The following ZNF318 variants were observed in gnomAD, a reference collection of about 807,000 sequenced individuals.
ZNF318 encodes endocrine regulator.
A neutral mutation model predicts 124.2 loss-of-function variants in ZNF318; 51 were observed. That is an observed-to-expected ratio of 0.41 (90% CI 0.33 to 0.52). The LOEUF (loss-of-function observed/expected upper bound fraction) is 0.52. Among genes scored for constraint, ZNF318 ranks in the 20% least tolerant of loss-of-function variants. The pLI, the probability that ZNF318 is intolerant of heterozygous loss-of-function variation, is 0.23. For synonymous variants in ZNF318, 1,090 were observed against 1,040.7 expected (o/e 1.05, Z -0.91); for missense variants, 2,815 against 2,811.2 (o/e 1.00, Z -0.03).
Position 43,355,843 on chromosome 6 carries a change from A to G in ZNF318, c.1491T>C (p.His497=), listed in dbSNP as rs1427873047. 6.2e-7 allele frequency: 1 copy of G among 1,614,158 alleles called. No homozygotes were observed. The highest frequency in any genetic ancestry group is 8.5e-7 in the Non-Finnish European group (1 of 1,179,990). Residue 497 remains histidine (H), a synonymous_variant, in exon 4 of 10, where the codon CAT becomes CAC. Transcript: ENST00000361428. ...PERHTDFLLP[H]ERASQDGSGF... ...CACTGCCATCCTGGCTAGCTCTCTCATGGGGCAGCAGGAAGTCTGTGTGTC... is the reference window on the plus strand; with the variant it reads ...CACTGCCATCCTGGCTAGCTCTCTCGTGGGGCAGCAGGAAGTCTGTGTGTC...
chr6:43,344,157 A>G (rs978291048), intron 6 of ZNF318, among the ~76,000 whole-genome samples: 1 of 152,194 alleles, frequency 6.6e-6, no homozygotes, highest in Non-Finnish European at 1.5e-5. Context: ...GGCTTCAAAG[A>G]TACTCTTTCC....
At position 43,339,531 on chromosome 6, in the gene ZNF318, G is replaced by A; in HGVS notation, c.4467C>T (p.Gly1489=). The A allele has an allele frequency of 1.2e-6, 2 of 1,614,064 alleles. No individual in the cohort carries two copies. The highest frequency in any genetic ancestry group is 1.7e-6 in the Non-Finnish European group (2 of 1,180,030). Residue 1489 remains glycine, a synonymous_variant, in exon 10 of 10, where the codon GGC becomes GGT. Transcript: ENST00000361428. This position sits in a 1 kb window ranked among gnomAD's most constrained non-coding sequence, Gnocchi z 4.2. ...GGTTCAAAATGTTAGGACCCACGAA[G>A]CCAGGGCTGAGAGTCTGAGATACAA... ...NPVVSQTLSP[G]FVGPNILNPV...
intron 3 of ZNF318, 74 bp from the exon 4 acceptor site, chr6:43,356,219 A>T (rs952886468): frequency 4.1e-6 from 6 of 1,467,616 alleles, no homozygotes; most frequent in Non-Finnish European, 5.5e-6. Flanking sequence ...AAATACTTAA[A>T]TACTTTGGTC....
chr6:43,342,930 G>C (rs1299536683), intron 6 of ZNF318, 51 bp from the exon 7 acceptor site: 7 of 1,471,014 alleles, frequency 4.8e-6, no homozygotes, highest in Non-Finnish European at 6.5e-6. Context: ...ATCTAGACTT[G>C]TCTTCTGTTA....
At chr6:43,342,605 T>C (rs1353114568) in intron 7 of ZNF318, 71 bp downstream of exon 7, 1 of 1,501,526 alleles carries the variant, frequency 6.7e-7, no homozygotes, top group South Asian at 1.2e-5. Context: ...AGCTTTGCAA[T>C]GCAGATAGGG....
At chr6:43,349,824 C>T (rs1365869778) in intron 5 of ZNF318, among the ~76,000 whole-genome samples, 1 of 152,114 alleles carries the variant, frequency 6.6e-6, no homozygotes, top group Non-Finnish European at 1.5e-5. Context: ...TGGTTCATGC[C>T]TGTAATCCCA....
intron 6 of ZNF318, among the ~76,000 whole-genome samples, chr6:43,347,866 C>T (rs1465038183): frequency 2.6e-5 from 4 of 151,980 alleles, no homozygotes; most frequent in South Asian, 2.1e-4. Context: ...CAATGTACTA[C>T]GAGGAAAAGA....
In ZNF318 at chr6:43,337,026, ATTTACT is replaced by A. The variant is rs1223098430; in HGVS notation, c.*126_*131del. On this transcript the variant is annotated 3_prime_UTR_variant, in exon 10 of 10. Coordinates refer to ENST00000361428, the MANE Select transcript of ZNF318 (RefSeq NM_014345.3). ...GGTAAATTTTTTAGCTTCCATGAAC[ATTTACT>A]TTAAGATGCTGACTGCATCTCTTGG... 28 of 847,918 alleles carry A rather than the reference ATTTACT, an allele frequency of 3.3e-5. No individual in the cohort carries two copies. Among genetic ancestry groups the A allele is most frequent in the Non-Finnish European group, 4.6e-5 (28 of 603,338 alleles). The allele number at this position is 847,918 out of a possible 1,614,324, so 52.5% of individuals were successfully genotyped here.
rs1344694199 is a variant in ZNF318, at chr6:43,369,042, G to A, written c.324C>T (p.Gly108=). The A allele has an allele frequency of 2.2e-5, 30 of 1,379,472 alleles. No individual in the cohort carries two copies. Among genetic ancestry groups the A allele is most frequent in the Non-Finnish European group, 2.4e-5 (25 of 1,062,576 alleles). The allele number at this position is 1,379,472 out of a possible 1,614,324, so 85.5% of individuals were successfully genotyped here. A position where few individuals can be genotyped will look rare whatever the true frequency, so the allele number is the denominator to read the frequency against. Residue 108 remains glycine, a synonymous_variant, in exon 1 of 10, where the codon GGC becomes GGT. Coordinates refer to ENST00000361428, the MANE Select transcript of ZNF318 (RefSeq NM_014345.3). ...CGGCGCGGGACTCCCCCCGGCTGCT[G>A]CCTCTGAAGCCGGCCGGGCCCGGCG... is the stretch of plus-strand genomic sequence containing the variant. ...LFPPGPAGFR[G]SSRGESRADY... is the part of the protein sequence containing the mutation.
intron 6 of ZNF318, among the ~76,000 whole-genome samples, chr6:43,343,910 G>T (rs1456485720): frequency 6.7e-6 from 1 of 150,368 alleles, no homozygotes; most frequent in Admixed American, 6.7e-5. Flanking sequence ...TAATATTAAA[G>T]TTATCAACAG....
chr6:43,337,411 T>G lies in ZNF318; in HGVS notation c.6587A>C (p.Asp2196Ala). The G allele has an allele frequency of 1.2e-6, 2 of 1,614,126 alleles. No individual in the cohort carries two copies. The highest frequency in any genetic ancestry group is 1.7e-6 in the Non-Finnish European group (2 of 1,180,028). ...KLCSPLSEPG[D>A]PSKCSSLELG... ...CTCCAGGGAACTACATTTAGAAGGG[T>G]CACCTGGCTCAGAGAGTGGAGAACA... Residue 2196 changes from aspartate (D) to alanine (A), a missense_variant, in exon 10 of 10, where the codon GAC (aspartate) becomes GCC (alanine). Around this residue, in one of 4 missense-constraint regions of ZNF318, gnomAD observed 927 missense variants for 820.6 expected, o/e 1.13. Coordinates refer to ENST00000361428, the MANE Select transcript of ZNF318 (RefSeq NM_014345.3).
Position 43,338,097 on chromosome 6 carries a change from C to T in ZNF318, c.5901G>A (p.Glu1967=). 1 of 1,613,796 alleles carries T rather than the reference C, an allele frequency of 6.2e-7. No individual in the cohort carries two copies. The highest frequency in any genetic ancestry group is 8.5e-7 in the Non-Finnish European group (1 of 1,179,976). ...AVWDENKKRP[E]TWESPEKPKT... The stretch of plus-strand genomic sequence containing the variant: ...TTGGTTTCTCTGGGCTCTCCCAGGT[C>T]TCTGGCCTCTTCTTGTTTTCATCCC... The change falls in exon 10 of 10, where the codon GAG becomes GAA. Residue 1967 remains glutamate, a synonymous_variant. Coordinates refer to ENST00000361428, the MANE Select transcript of ZNF318 (RefSeq NM_014345.3).
chr6:43,344,050 T>C (rs1052071890), intron 6 of ZNF318, among the ~76,000 whole-genome samples: 1 of 152,138 alleles, frequency 6.6e-6, no homozygotes, highest in Non-Finnish European at 1.5e-5. Flanking sequence ...AGGCTCACTA[T>C]GAATGGGGTT....
chr6:43,367,013 G>A (rs752971080), intron 1 of ZNF318, among the ~76,000 whole-genome samples: 37 of 152,042 alleles, frequency 2.4e-4, no homozygotes, highest in Non-Finnish European at 3.2e-4. Context: ...CACCAAGCCC[G>A]ACTAATTATT....
At chr6:43,352,304 T>C (rs1470684129) in intron 5 of ZNF318, 73 bp downstream of exon 5, 13 of 1,265,416 alleles carry the variant, frequency 1.0e-5, no homozygotes, top group Non-Finnish European at 1.3e-5. Context: ...TTACTGAACC[T>C]GTGTGAGAGT....
chr6:43,366,448 A>T (rs1457209565), intron 1 of ZNF318, among the ~76,000 whole-genome samples: 1 of 152,102 alleles, frequency 6.6e-6, no homozygotes, highest in East Asian at 1.9e-4. Context: ...CCTCCTTCAG[A>T]TCTTTATTCA....
intron 5 of ZNF318, 119 bp downstream of exon 5, chr6:43,352,258 A>ATTC: frequency 2.7e-6 from 2 of 742,334 alleles, no homozygotes; most frequent in Non-Finnish European, 4.4e-6. Flanking sequence ...TGTAAGTTTA[A>ATTC]TTACGTCAAA....
chr6:43,337,139 T>C lies in ZNF318; in HGVS notation c.*19A>G, dbSNP rs1193448472. ...TAGAAGCCAATGATTCACTCACAAG[T>C]AGCTCTAGGTATTTATTCTTAGTTG... On this transcript the variant is annotated 3_prime_UTR_variant, in exon 10 of 10. Transcript: ENST00000361428. The C allele has an allele frequency of 4.6e-6, 7 of 1,531,058 alleles. No individual in the cohort carries two copies. Among genetic ancestry groups the C allele is most frequent in the South Asian group, 4.0e-5 (3 of 75,792 alleles). 94.8% of individuals were successfully genotyped at this position (1,531,058 alleles called of 1,614,324 possible).
chr6:43,345,911 A>T (rs1581641518), intron 6 of ZNF318, among the ~76,000 whole-genome samples: 1 of 151,910 alleles, frequency 6.6e-6, no homozygotes, highest in South Asian at 2.1e-4. Context: ...GGAGTTCAAC[A>T]CCAGCCTGGG....
Sources: allele counts gnomAD v4.1 joint callset (sites outside exome capture counted in the v4.1 genomes callset), GRCh38; gene constraint gnomAD v4.1.1; regional missense constraint gnomAD v4.1.1; non-coding constraint Gnocchi (gnomAD v3.1); transcripts MANE v1.5; gene names NCBI Gene and HGNC (gene_info 2026-07-23, HGNC 2026-07-21).